Variants in DLEC1 observed in about 807,000 individuals in gnomAD.
DLEC1 encodes the protein deleted in lung and esophageal cancer protein 1.
DLEC1 carries 146 observed loss-of-function variants against 198.1 expected under a neutral mutation model. The observed-to-expected ratio is 0.74, with a 90% confidence interval of 0.64 to 0.85. The LOEUF (loss-of-function observed/expected upper bound fraction) is 0.85. Ranked by LOEUF, DLEC1 falls within the 40% of genes least tolerant of loss-of-function variation. The pLI is 0.00. For missense variants in DLEC1, 2,233 were observed against 2,220.0 expected (o/e 1.01, Z -0.12); for synonymous variants, 897 against 866.8 (o/e 1.03, Z -0.61).
chr3:38,093,708 A>G lies in DLEC1; in HGVS notation c.1860A>G (p.Arg620=). The change falls in exon 12 of 37, where the codon CGA becomes CGG. Residue 620 remains arginine (R), a synonymous_variant. Coordinates refer to ENST00000308059, the MANE Select transcript of DLEC1 (RefSeq NM_007335.4). ...ACTTAACAGCCCAGCACTTCATACG[A>G]TTTGAGCCTGAAAACCTTCGGTCCA... ...LTDLTAQHFI[R]FEPENLRSTA... is the part of the protein sequence containing the mutation. The G allele has an allele frequency of 6.2e-7, 1 of 1,614,158 alleles. No individual in the cohort carries two copies. The highest frequency in any genetic ancestry group is 8.5e-7 in the Non-Finnish European group (1 of 1,180,030).
chr3:38,120,205 T>TG lies in DLEC1; in HGVS notation c.4705-242dup, dbSNP rs1700377876. Among the ~76,000 whole-genome samples, 4 of 152,236 alleles carry TG rather than the reference T, an allele frequency of 2.6e-5. No homozygotes were observed. In the South Asian group the frequency reaches 8.3e-4, roughly 31 times the overall value. ...GAAGCTGTAAAGGGCAACTTGCTCA[T>TG]GTCCCTTCCCTTCTAGCCTCTGACC... On this transcript the variant is annotated intron_variant, in intron 33 of 36. Transcript: ENST00000308059.
chr3:38,084,428 A>G lies in DLEC1; in HGVS notation c.1261+183A>G, dbSNP rs772172508. 2.1e-3 allele frequency among the ~76,000 whole-genome samples: 128 copies of G among 60,242 alleles called. 8 individuals are homozygous for G. Among genetic ancestry groups the G allele is most frequent in the Non-Finnish European group, 2.7e-3 (87 of 31,936 alleles). The allele number at this position is 60,242 out of a possible 152,430, so 39.5% of individuals were successfully genotyped here. A position where few individuals can be genotyped will look rare whatever the true frequency, so the allele number is the denominator to read the frequency against. On this transcript the variant is annotated intron_variant, in intron 7 of 36. Coordinates refer to ENST00000308059, the MANE Select transcript of DLEC1 (RefSeq NM_007335.4). ...TGGTGGTGGTAGTAGTAGTGGTAGTAGTAGTAGTGGTGGTGGTGGTGGTGG... is the reference window on the plus strand; with the variant it reads ...TGGTGGTGGTAGTAGTAGTGGTAGTGGTAGTAGTGGTGGTGGTGGTGGTGG...
Position 38,120,454 on chromosome 3 carries a change from G to T in DLEC1, c.4711G>T (p.Val1571Leu). 6.2e-7 allele frequency: 1 copy of T among 1,614,184 alleles called. No individual in the cohort carries two copies. Among genetic ancestry groups the T allele is most frequent in the Non-Finnish European group, 8.5e-7 (1 of 1,180,024 alleles). The change falls in exon 34 of 37, where the codon GTG becomes TTG. Residue 1571 changes from valine to leucine, a missense_variant. Transcript: ENST00000308059. ...LQAQENMLVN[V>L]SFSLSLELLS... ...CATGTCCACATCTGCTCAGGTGAACGTGTCCTTCTCACTCTCCCTGGAGCT... is the reference window on the plus strand; with the variant it reads ...CATGTCCACATCTGCTCAGGTGAACTTGTCCTTCTCACTCTCCCTGGAGCT...
intron 7 of DLEC1, 54 bp from the exon 8 acceptor site, chr3:38,085,220 C>T: frequency 6.3e-7 from 1 of 1,594,822 alleles, no homozygotes; most frequent in Non-Finnish European, 8.6e-7. Context: ...TGAGCTCAAG[C>T]CCTGGTGGCT....
At position 38,122,518 on chromosome 3, in the gene DLEC1, A is replaced by G; in HGVS notation, c.*106A>G. Reference sequence around the variant, plus strand: ...AAGACACAGACTTGGGGACCTGGGGACCTCTGGGCAGCTCCTGGAATGGAA... The same window carrying G: ...AAGACACAGACTTGGGGACCTGGGGGCCTCTGGGCAGCTCCTGGAATGGAA... On this transcript the variant is annotated 3_prime_UTR_variant, in exon 37 of 37. Transcript: ENST00000308059. 6.2e-7 allele frequency: 1 copy of G among 1,611,838 alleles called. No individual in the cohort carries two copies. Among genetic ancestry groups the G allele is most frequent in the Non-Finnish European group, 8.5e-7 (1 of 1,179,508 alleles).
chr3:38,100,981 T>G (rs1283774262), intron 19 of DLEC1, among the ~76,000 whole-genome samples: 1 of 152,128 alleles, frequency 6.6e-6, no homozygotes, highest in Non-Finnish European at 1.5e-5. Context: ...CTCCCCCACT[T>G]CCCTCCTTTT....
rs34290809 is a variant in DLEC1 at position 38,094,985 on chromosome 3, G to C, written c.2026G>C (p.Glu676Gln). ...MDSIKCYPDK[E>Q]TAFSIMPRKG... ...CAGCATCAAGTGCTACCCCGACAAG[G>C]AGACTGCCTTCTCCATCATGCCCAG... Residue 676 changes from glutamate to glutamine, a missense_variant, in exon 13 of 37, where the codon GAG becomes CAG. Coordinates refer to ENST00000308059, the MANE Select transcript of DLEC1 (RefSeq NM_007335.4). 1 of 1,614,092 alleles carries C rather than the reference G, an allele frequency of 6.2e-7. No homozygotes were observed. The highest frequency in any genetic ancestry group is 8.5e-7 in the Non-Finnish European group (1 of 1,180,044).
Position 38,122,302 on chromosome 3 carries a change from T to C in DLEC1, c.5158T>C (p.Tyr1720His), listed in dbSNP as rs1307498940. The C allele has an allele frequency of 6.2e-7, 1 of 1,613,366 alleles. No individual in the cohort carries two copies. Among genetic ancestry groups the C allele is most frequent in the Admixed American group, 1.7e-5 (1 of 59,986 alleles). The change falls in exon 37 of 37, where the codon TAC becomes CAC. Residue 1720 changes from tyrosine (Y) to histidine (H), a missense_variant. Transcript: ENST00000308059. ...VFFTARSSELYESTMVVEGVL... is the reference protein window; with the variant it reads ...VFFTARSSELHESTMVVEGVL... ...TGCTCCCCACAGGAGTAGTGAGCTG[T>C]ACGAGTCCACGATGGTGGTGGAAGG... is the stretch of plus-strand genomic sequence containing the variant.
At position 38,122,402 on chromosome 3, in the gene DLEC1, A is replaced by T. The variant is rs1285820994; in HGVS notation, c.5258A>T (p.His1753Leu). 1 of 1,613,988 alleles carries T rather than the reference A, an allele frequency of 6.2e-7. No homozygotes were observed. Among genetic ancestry groups the T allele is most frequent in the East Asian group, 2.2e-5 (1 of 44,882 alleles). ...GSYDERYMLP[H>L]QP ...TATGATGAGAGATACATGTTGCCTCACCAGCCCTGAGGCTCCGCCCCAGCC... is the reference window on the plus strand; with the variant it reads ...TATGATGAGAGATACATGTTGCCTCTCCAGCCCTGAGGCTCCGCCCCAGCC... The change falls in exon 37 of 37, where the codon CAC becomes CTC. Residue 1753 changes from histidine to leucine, a missense_variant. Physicochemically the swap from His to Leu is moderately conservative, Grantham distance 99. Transcript: ENST00000308059.
Position 38,122,997 on chromosome 3 carries a change from T to C in DLEC1, c.*585T>C. The C allele has an allele frequency of 1.3e-6, 2 of 1,594,016 alleles. No homozygotes were observed. Among genetic ancestry groups the C allele is most frequent in the Non-Finnish European group, 1.7e-6 (2 of 1,163,170 alleles). On this transcript the variant is annotated 3_prime_UTR_variant, in exon 37 of 37. Coordinates refer to ENST00000308059, the MANE Select transcript of DLEC1 (RefSeq NM_007335.4). ...TGCTTTTGTGGTGTTACTGCCTTGC[T>C]GCTAGAGCAGCAGGACTGTCTGCGT...
At position 38,123,444 on chromosome 3, in the gene DLEC1, C is replaced by A. The variant is rs1221135454; in HGVS notation, c.*1032C>A. The A allele has an allele frequency of 4.2e-6, 1 of 237,550 alleles. No individual in the cohort carries two copies. Among genetic ancestry groups the A allele is most frequent in the Non-Finnish European group, 8.1e-6 (1 of 123,386 alleles). 14.7% of individuals were successfully genotyped at this position (237,550 alleles called of 1,614,324 possible). A position where few individuals can be genotyped will look rare whatever the true frequency, so the allele number is the denominator to read the frequency against. ...AAGACACAATCCCAAACACAATCAT[C>A]CCAAATGTTGAAATCCTGGAAGAAC... On this transcript the variant is annotated 3_prime_UTR_variant, in exon 37 of 37. Coordinates refer to ENST00000308059, the MANE Select transcript of DLEC1 (RefSeq NM_007335.4).
intron 6 of DLEC1, among the ~76,000 whole-genome samples, chr3:38,064,304 G>A (rs974118254): frequency 6.6e-6 from 1 of 152,180 alleles, no homozygotes; most frequent in African/African-American, 2.4e-5. Context: ...CAGAGCACAT[G>A]TTTCAGAGAG....
chr3:38,090,292 A>G (rs1197633114), intron 10 of DLEC1, among the ~76,000 whole-genome samples: 1 of 152,248 alleles, frequency 6.6e-6, no homozygotes, highest in Non-Finnish European at 1.5e-5. Flanking sequence ...TCCAGAGGCC[A>G]TACCTGGCCA....
chr3:38,117,638 T>C (rs781376163), intron 32 of DLEC1, 27 bp downstream of exon 32: 35 of 1,613,802 alleles, frequency 2.2e-5, no homozygotes, highest in Non-Finnish European at 2.8e-5. Flanking sequence ...CCTCTGGCCC[T>C]GCCAGCTTAC....
rs1385678176 is a variant in DLEC1, at chr3:38,088,343, G to A, written c.1620G>A (p.Leu540=). 1.2e-6 allele frequency: 2 copies of A among 1,614,032 alleles called. No individual in the cohort carries two copies. The change falls in exon 10 of 37, where the codon CTG becomes CTA. Residue 540 remains leucine (L), a synonymous_variant. Coordinates refer to ENST00000308059, the MANE Select transcript of DLEC1 (RefSeq NM_007335.4). ...TTGAACAACCTCCTTTTGGAATCCT[G>A]CCTTCGGTGTTTGAGCTGGCCCCGG... ...GFVEQPPFGI[L]PSVFELAPGH... is the part of the protein sequence containing the mutation.
intron 34 of DLEC1, 69 bp downstream of exon 34, chr3:38,120,678 G>C (rs1270447865): frequency 5.0e-6 from 8 of 1,591,366 alleles, no homozygotes; most frequent in Non-Finnish European, 6.9e-6. Flanking sequence ...GCTGGGGCCA[G>C]AGGAGGAAAG....
At position 38,078,430 on chromosome 3, in the gene DLEC1, G is replaced by A. The variant is rs1559422649; in HGVS notation, c.1174-5728G>A. ...TTTGGACAGAAAGGCTACAGGGTGC[G>A]GTCCTGGCTCTTGTGTAAGAAATCC... On this transcript the variant is annotated intron_variant, in intron 6 of 36. Transcript: ENST00000308059. Among the ~76,000 whole-genome samples the A allele has an allele frequency of 3.9e-5, 6 of 152,320 alleles. No individual in the cohort carries two copies. In the South Asian group the frequency reaches 6.2e-4, roughly 16 times the overall value.
At chr3:38,074,472 G>C (rs1268557278) in intron 6 of DLEC1, among the ~76,000 whole-genome samples, 1 of 152,234 alleles carries the variant, frequency 6.6e-6, no homozygotes, top group Non-Finnish European at 1.5e-5. Context: ...CTGCTTAAGC[G>C]GGCCATGAAC....
Position 38,116,847 on chromosome 3 carries a change from G to A in DLEC1, c.4137G>A (p.Gly1379=), listed in dbSNP as rs1320856226. ...LISVILQAHE[G]VPSGHLYCIS... ...CAGTCATCCTGCAGGCACATGAGGG[G>A]GTGCCCTCCGGCCACCTGTACTGTA... Residue 1379 remains glycine (G), a synonymous_variant, in exon 29 of 37, where the codon GGG becomes GGA. Transcript: ENST00000308059. The A allele has an allele frequency of 4.3e-6, 7 of 1,613,724 alleles. No individual in the cohort carries two copies. Among genetic ancestry groups the A allele is most frequent in the Non-Finnish European group, 5.9e-6 (7 of 1,179,860 alleles).
Sources: gnomAD v4.1 joint callset for allele counts (sites outside exome capture counted in the v4.1 genomes callset) on GRCh38, gnomAD v4.1.1 for gene constraint, MANE v1.5 for transcripts, NCBI Gene and HGNC (gene_info 2026-07-23, HGNC 2026-07-21) for gene names.